The following FBXL7 variants were observed in gnomAD, a reference collection of about 807,000 sequenced individuals.
The protein encoded by FBXL7 is F-box/LRR-repeat protein 7.
Under a neutral mutation model 38.3 loss-of-function variants are expected in FBXL7, and 12 were observed. The ratio of observed to expected loss-of-function variants is 0.31; its 90% CI spans 0.20 to 0.51. The LOEUF (loss-of-function observed/expected upper bound fraction) is 0.51. Among genes scored for constraint, FBXL7 ranks in the 20% least tolerant of loss-of-function variants. FBXL7 has a pLI of 0.98. For synonymous variants in FBXL7, 297 were observed against 300.9 expected (o/e 0.99, Z 0.13); for missense variants, 567 against 676.4 (o/e 0.84, Z 1.79).
chr5:15,873,523 C>A (rs78559232), intron 2 of FBXL7, among the ~76,000 whole-genome samples: 3 of 151,846 alleles, frequency 2.0e-5, no homozygotes, highest in African/African-American at 7.3e-5. Context: ...ACTAGCCAGA[C>A]TAATAAAGAA....
At chr5:15,516,029 G>T (rs1219014714) in intron 1 of FBXL7, among the ~76,000 whole-genome samples, 1 of 152,064 alleles carries the variant, frequency 6.6e-6, no homozygotes, top group Non-Finnish European at 1.5e-5. Context: ...TACTACTTTA[G>T]AAAACATTCT....
intron 1 of FBXL7, among the ~76,000 whole-genome samples, chr5:15,549,200 G>A (rs1436472267): frequency 1.3e-5 from 2 of 152,142 alleles, no homozygotes; most frequent in Non-Finnish European, 2.9e-5. Flanking sequence ...TAATACATGA[G>A]GCATAGCATA....
chr5:15,892,038 C>T (rs1229684567), intron 2 of FBXL7, among the ~76,000 whole-genome samples: 2 of 152,352 alleles, frequency 1.3e-5, no homozygotes, highest in Middle Eastern at 3.4e-3. Context: ...TCACCAGCCT[C>T]CTGCCAGTGC....
intron 1 of FBXL7, among the ~76,000 whole-genome samples, chr5:15,526,676 G>A (rs1737260187): frequency 6.6e-6 from 1 of 152,148 alleles, no homozygotes; most frequent in South Asian, 2.1e-4. Context: ...GAAGAGGAAA[G>A]TGCCTGCATA....
intron 2 of FBXL7, among the ~76,000 whole-genome samples, chr5:15,707,817 G>A (rs1051292047): frequency 6.6e-6 from 1 of 152,152 alleles, no homozygotes; most frequent in African/African-American, 2.4e-5. Context: ...GTGTGCTCCA[G>A]TATTCACTGG....
chr5:15,678,783 GCTTT>G (rs151262151), intron 2 of FBXL7, among the ~76,000 whole-genome samples: 9 of 152,246 alleles, frequency 5.9e-5, no homozygotes, highest in Non-Finnish European at 1.2e-4. Flanking sequence ...TGTAAGACAT[GCTTT>G]CTGTCTTTCA....
intron 1 of FBXL7, among the ~76,000 whole-genome samples, chr5:15,593,033 A>G (rs1739527220): frequency 6.6e-6 from 1 of 152,186 alleles, no homozygotes; most frequent in Non-Finnish European, 1.5e-5. Context: ...CAGTAAAACG[A>G]TTCTCCTGAT....
chr5:15,870,320 G>C (rs986962940), intron 2 of FBXL7, among the ~76,000 whole-genome samples: 2 of 152,106 alleles, frequency 1.3e-5, no homozygotes, highest in African/African-American at 2.4e-5. Context: ...GGTTGGTGAG[G>C]TGGCACAGAC....
At chr5:15,539,415 A>T (rs987983213) in intron 1 of FBXL7, among the ~76,000 whole-genome samples, 1 of 151,670 alleles carries the variant, frequency 6.6e-6, no homozygotes, top group East Asian at 1.9e-4. Context: ...AGACTGAGTA[A>T]CTCTTAATGG....
chr5:15,804,486 TAATG>T (rs958683325), intron 2 of FBXL7, among the ~76,000 whole-genome samples: 4 of 152,062 alleles, frequency 2.6e-5, no homozygotes, highest in African/African-American at 7.2e-5. Context: ...AATAAATAAA[TAATG>T]AATAAATAAA....
intron 2 of FBXL7, among the ~76,000 whole-genome samples, chr5:15,734,161 A>T (rs1365156180): frequency 6.7e-6 from 1 of 148,458 alleles, no homozygotes; most frequent in African/African-American, 2.5e-5. Context: ...GCTGCCGCCC[A>T]GTCCCTGACC....
intron 2 of FBXL7, among the ~76,000 whole-genome samples, chr5:15,665,293 G>T (rs1048321482): frequency 2.6e-5 from 4 of 152,172 alleles, no homozygotes; most frequent in Non-Finnish European, 4.4e-5. Flanking sequence ...AACTCTTCCT[G>T]TCTCCTGGAC....
At chr5:15,782,121 G>A (rs540457343) in intron 2 of FBXL7, among the ~76,000 whole-genome samples, 203 of 152,142 alleles carry the variant, frequency 1.3e-3, no homozygotes, top group African/African-American at 4.7e-3. Context: ...TGAGAATGAG[G>A]GTTTCCAGCT....
At chr5:15,904,726 TTAATAA>T in intron 2 of FBXL7, among the ~76,000 whole-genome samples, 1 of 152,164 alleles carries the variant, frequency 6.6e-6, no homozygotes, top group East Asian at 1.9e-4. Flanking sequence ...GAGTTATTTT[TTAATAA>T]TAATAATAAT....
chr5:15,670,526 C>T (rs189404582), intron 2 of FBXL7, among the ~76,000 whole-genome samples: 9 of 152,244 alleles, frequency 5.9e-5, no homozygotes, highest in Admixed American at 2.6e-4. Context: ...ATAGGCCAGG[C>T]GTGGTGGCTC....
chr5:15,631,308 G>A (rs1385399126), intron 2 of FBXL7, among the ~76,000 whole-genome samples: 1 of 152,164 alleles, frequency 6.6e-6, no homozygotes, highest in Non-Finnish European at 1.5e-5. Context: ...AATGATACAT[G>A]TACATGTGAG....
intron 2 of FBXL7, among the ~76,000 whole-genome samples, chr5:15,642,759 G>A (rs903034554): frequency 2.6e-5 from 4 of 152,154 alleles, no homozygotes; most frequent in African/African-American, 9.7e-5. Flanking sequence ...AGGGGAGAAG[G>A]AATCCATATT....
chr5:15,703,535 G>T (rs1473164061), intron 2 of FBXL7, among the ~76,000 whole-genome samples: 2 of 152,134 alleles, frequency 1.3e-5, no homozygotes, highest in African/African-American at 2.4e-5. Context: ...TTTTGTGCAT[G>T]CATAAAACAA....
At chr5:15,759,792 C>T (rs1275356463) in intron 2 of FBXL7, among the ~76,000 whole-genome samples, 1 of 152,176 alleles carries the variant, frequency 6.6e-6, no homozygotes, top group African/African-American at 2.4e-5. Context: ...GACAAAGTCT[C>T]TGCCCCCATG....
Sources: allele counts gnomAD v4.1 joint callset (sites outside exome capture counted in the v4.1 genomes callset), GRCh38; gene constraint gnomAD v4.1.1; transcripts MANE v1.5; gene names NCBI Gene and HGNC (gene_info 2026-07-23, HGNC 2026-07-21).